SRP72: variants seen among roughly 807,000 people sequenced by gnomAD.
The protein encoded by SRP72 is signal recognition particle 72.
Under a neutral mutation model 96.3 loss-of-function variants are expected in SRP72, and 49 were observed. That is an observed-to-expected ratio of 0.51 (90% CI 0.40 to 0.65). The LOEUF (loss-of-function observed/expected upper bound fraction) is 0.65. SRP72 is among the 30% of genes least tolerant of loss of function. The pLI is 0.00. For missense variants in SRP72, 736 were observed against 793.3 expected, an observed-to-expected ratio of 0.93 and a Z score of 0.87; for synonymous variants, 267 against 275.2, an observed-to-expected ratio of 0.97 and a Z score of 0.30.
chr4:56,492,926 A>G (rs1045190075), intron 16 of SRP72, among the ~76,000 whole-genome samples: 4 of 152,200 alleles, frequency 2.6e-5, no homozygotes, highest in African/African-American at 4.8e-5. Flanking sequence ...TTGAGGCTCC[A>G]GTGAGCAGTG....
At chr4:56,496,690 C>T (rs1721081406) in intron 17 of SRP72, among the ~76,000 whole-genome samples, 1 of 152,040 alleles carries the variant, frequency 6.6e-6, no homozygotes, top group Non-Finnish European at 1.5e-5. Context: ...ATTCCCTGCC[C>T]AAAATTCATG....
At position 56,495,384 on chromosome 4, in the gene SRP72, G is replaced by T; in HGVS notation, c.1668G>T (p.Lys556Asn). ...AGGGAGATTTGAAAAAGAAGAAAAA[G>T]AAAAAGAAGGGTAAGGCATTAAAAA... Reference protein sequence around the residue: ...QGQGDLKKKKKKKKGKLPKNY... With the variant: ...QGQGDLKKKKNKKKGKLPKNY... Residue 556 changes from lysine (K) to asparagine (N), a missense_variant, in exon 17 of 19, where the codon AAG (lysine) becomes AAT (asparagine). Lys to Asn is a moderately conservative substitution (Grantham distance 94, BLOSUM62 0). Around this residue, in one of 3 missense-constraint regions of SRP72, gnomAD observed 388 missense variants for 431.8 expected, o/e 0.90. Transcript: ENST00000642900. 2 of 1,493,688 alleles carry T rather than the reference G, an allele frequency of 1.3e-6. No homozygotes were observed. The highest frequency in any genetic ancestry group is 2.3e-5 in the South Asian group (2 of 85,246). The allele number at this position is 1,493,688 out of a possible 1,614,324, so 92.5% of individuals were successfully genotyped here. A position where few individuals can be genotyped will look rare whatever the true frequency, so the allele number is the denominator to read the frequency against.
chr4:56,470,555 A>G (rs1195947691), intron 2 of SRP72, among the ~76,000 whole-genome samples: 1 of 150,942 alleles, frequency 6.6e-6, no homozygotes, highest in Non-Finnish European at 1.5e-5. Context: ...AAAAAAAGTC[A>G]TTTGTAGGAG....
At chr4:56,495,561 G>A (rs568176481) in intron 17 of SRP72, among the ~76,000 whole-genome samples, 167 bp downstream of exon 17, 5 of 152,090 alleles carry the variant, frequency 3.3e-5, no homozygotes, top group East Asian at 3.9e-4. Context: ...TTTAAAGATC[G>A]CAATTCACTA....
intron 17 of SRP72, among the ~76,000 whole-genome samples, chr4:56,499,122 A>G (rs1251620840): frequency 6.6e-6 from 1 of 152,188 alleles, no homozygotes; most frequent in African/African-American, 2.4e-5. Context: ...ACACATCTAC[A>G]ACCATCTGAT....
At chr4:56,481,360 T>C (rs1249251556) in intron 8 of SRP72, among the ~76,000 whole-genome samples, 2 of 151,838 alleles carry the variant, frequency 1.3e-5, no homozygotes, top group African/African-American at 4.9e-5. Flanking sequence ...AAGTAGATAC[T>C]CACATGCTCA....
At chr4:56,478,685 AC>A in intron 8 of SRP72, 36 bp downstream of exon 8, 1 of 1,588,164 alleles carries the variant, frequency 6.3e-7, no homozygotes, top group East Asian at 2.2e-5. Flanking sequence ...GATATATTTT[AC>A]CCTGAAAGCT....
At position 56,479,725 on chromosome 4, in the gene SRP72, T is replaced by C. The variant is rs111574892; in HGVS notation, c.825+1076T>C. 1.8e-3 allele frequency among the ~76,000 whole-genome samples: 273 copies of C among 151,104 alleles called. 10 individuals are homozygous for C. The South Asian group carries it at 0.039, about 22-fold the overall frequency. ...TTAAACTCCTGGGCTCAACAAATCC[T>C]CCTGCCTCAGCCTCCCAAATTGCTG... On this transcript the variant is annotated intron_variant, in intron 8 of 18. Coordinates refer to ENST00000642900, the MANE Select transcript of SRP72 (RefSeq NM_006947.4).
intron 13 of SRP72, 136 bp downstream of exon 13, chr4:56,489,619 A>AT (rs967201514): frequency 3.2e-5 from 15 of 463,950 alleles, no homozygotes; most frequent in South Asian, 5.8e-5. Context: ...TATCAAATGC[A>AT]TTTTTTTAGT....
intron 18 of SRP72, among the ~76,000 whole-genome samples, chr4:56,501,015 A>G (rs1255490307): frequency 6.6e-6 from 1 of 152,158 alleles, no homozygotes; most frequent in Non-Finnish European, 1.5e-5. Flanking sequence ...ATTCAACTAA[A>G]TAAATATCTA....
chr4:56,483,336 A>ATCCC, intron 9 of SRP72, 66 bp downstream of exon 9: 7 of 1,419,196 alleles, frequency 4.9e-6, no homozygotes, highest in South Asian at 1.3e-5. Flanking sequence ...AGTAATAGGG[A>ATCCC]TATTAGTCTA....
At chr4:56,491,627 A>T in intron 16 of SRP72, 59 bp downstream of exon 16, 1 of 1,504,938 alleles carries the variant, frequency 6.6e-7, no homozygotes, top group Non-Finnish European at 9.1e-7. Flanking sequence ...AAGGAATAAA[A>T]AATACATTCT....
intron 10 of SRP72, among the ~76,000 whole-genome samples, chr4:56,485,764 G>C (rs1219813807): frequency 2.0e-5 from 3 of 152,026 alleles, no homozygotes; most frequent in African/African-American, 7.2e-5. Flanking sequence ...TCACGCCACT[G>C]CACTCCAGCC....
intron 10 of SRP72, among the ~76,000 whole-genome samples, chr4:56,485,541 C>G (rs1023528182): frequency 4.6e-5 from 7 of 152,086 alleles, no homozygotes; most frequent in African/African-American, 1.7e-4. Flanking sequence ...TGGCTGACGT[C>G]TGTAATCCCA....
chr4:56,473,017 G>T (rs1720040663), intron 3 of SRP72, among the ~76,000 whole-genome samples: 1 of 152,054 alleles, frequency 6.6e-6, no homozygotes, highest in South Asian at 2.1e-4. Context: ...GAACTCCTAG[G>T]AAACATTAAG....
At chr4:56,498,399 A>C (rs1342356011) in intron 17 of SRP72, among the ~76,000 whole-genome samples, 3 of 152,188 alleles carry the variant, frequency 2.0e-5, no homozygotes, top group Non-Finnish European at 4.4e-5. Flanking sequence ...ACTCCCATTC[A>C]ACATAATGTT....
chr4:56,474,210 G>A lies in SRP72; in HGVS notation c.498+13G>A. ...AAAAGTGGTTCCAGTGAGTATCCTT[G>A]TGGTGTACCCATACAGTCATGAATT... On this transcript the variant is annotated intron_variant, in intron 4 of 18. Coordinates refer to ENST00000642900, the MANE Select transcript of SRP72 (RefSeq NM_006947.4). 2 of 1,614,090 alleles carry A rather than the reference G, an allele frequency of 1.2e-6. No individual in the cohort carries two copies. Among genetic ancestry groups the A allele is most frequent in the South Asian group, 2.2e-5 (2 of 91,064 alleles).
intron 3 of SRP72, among the ~76,000 whole-genome samples, chr4:56,473,635 C>T (rs1202648616): frequency 1.3e-5 from 2 of 151,272 alleles, no homozygotes; most frequent in African/African-American, 2.4e-5. Flanking sequence ...CATGGTGGCG[C>T]ACGTCTGTAA....
chr4:56,469,888 C>CA, intron 2 of SRP72, 115 bp downstream of exon 2: 1 of 924,666 alleles, frequency 1.1e-6, no homozygotes, highest in African/African-American at 1.7e-5. Flanking sequence ...TTTTTCCTTC[C>CA]TTTTTTTCCC....
Sources: allele counts gnomAD v4.1 joint callset (sites outside exome capture counted in the v4.1 genomes callset), GRCh38; gene constraint gnomAD v4.1.1; regional missense constraint gnomAD v4.1.1; transcripts MANE v1.5; gene names NCBI Gene and HGNC (gene_info 2026-07-23, HGNC 2026-07-21).